TTC39B: variants seen among roughly 807,000 people sequenced by gnomAD.
The protein encoded by TTC39B is tetratricopeptide repeat protein 39B.
A neutral mutation model predicts 96.6 loss-of-function variants in TTC39B; 92 were observed. That is an observed-to-expected ratio of 0.95 (90% CI 0.80 to 1.13). The LOEUF (loss-of-function observed/expected upper bound fraction) is 1.13. TTC39B is among the 50% of genes most tolerant of loss of function. TTC39B has a pLI of 0.00. For synonymous variants in TTC39B, 367 were observed against 299.4 expected (o/e 1.23, Z -2.33); for missense variants, 955 against 809.3 (o/e 1.18, Z -2.18).
intron 2 of TTC39B, among the ~76,000 whole-genome samples, chr9:15,265,227 C>T (rs181535278): frequency 9.2e-5 from 14 of 152,234 alleles, no homozygotes; most frequent in Admixed American, 9.2e-4. Context: ...GCTTGCAATG[C>T]CTTCCTGAGG....
intron 6 of TTC39B, among the ~76,000 whole-genome samples, chr9:15,207,883 C>T (rs965198320): frequency 1.4e-5 from 2 of 145,932 alleles, no homozygotes; most frequent in African/African-American, 5.1e-5. Flanking sequence ...ACTCGGGAGG[C>T]TGAGGCAGAA....
chr9:15,299,376 T>C (rs1473527737), intron 1 of TTC39B, among the ~76,000 whole-genome samples: 1 of 152,190 alleles, frequency 6.6e-6, no homozygotes, highest in African/African-American at 2.4e-5. Context: ...GAGCTGAAGA[T>C]GCATGATGGC....
intron 2 of TTC39B, among the ~76,000 whole-genome samples, chr9:15,231,849 G>C (rs867927423): frequency 1.9e-4 from 29 of 152,346 alleles, no homozygotes; most frequent in Middle Eastern, 3.4e-3. Context: ...GAAAAGGAAT[G>C]AGTGTAGATA....
rs1409028177 is a variant in TTC39B, at chr9:15,177,794, CCA to C, written c.1742_1743del (p.Val581GlyfsTer2). Reference sequence around the variant, plus strand: ...AGTAACTTCACTAAGCACTCATCATCCACAGAGAAGCTGTTAAAATCTTAAAA... The same window carrying C: ...AGTAACTTCACTAAGCACTCATCATCCAGAGAAGCTGTTAAAATCTTAAAA... On this transcript the variant is annotated frameshift_variant, in exon 18 of 20. Coordinates refer to ENST00000512701, the Ensembl canonical transcript of TTC39B. LOFTEE classifies it high-confidence loss of function. 7 of 1,608,510 alleles carry C rather than the reference CCA, an allele frequency of 4.4e-6. No individual in the cohort carries two copies. The highest frequency in any genetic ancestry group is 8.5e-7 in the Non-Finnish European group (1 of 1,177,670).
At chr9:15,253,075 A>G (rs1171052162) in intron 2 of TTC39B, among the ~76,000 whole-genome samples, 2 of 152,196 alleles carry the variant, frequency 1.3e-5, no homozygotes, top group African/African-American at 4.8e-5. Context: ...ACAGATAAAC[A>G]TATGTGTATC....
At chr9:15,177,719 A>G (rs757968118) in exon 18 of TTC39B, 4 of 1,613,236 alleles carry the variant, frequency 2.5e-6, no homozygotes, top group Non-Finnish European at 2.5e-6. Context: ...TGATTGTAAC[A>G]TAGTTCAGCT....
intron 1 of TTC39B, among the ~76,000 whole-genome samples, chr9:15,290,446 G>A (rs943383097): frequency 7.9e-5 from 12 of 152,046 alleles, no homozygotes; most frequent in Non-Finnish European, 1.8e-4. Context: ...ATGCCTTGTG[G>A]GCCCCAGAAT....
chr9:15,167,015 TATATATATATA>T (rs1230485538), exon 20 of TTC39B: 16 of 8,410 alleles, frequency 1.9e-3, no homozygotes, highest in African/African-American at 6.4e-3. Context: ...TATATATATA[TATATATATATA>T]TATTTTTTTT....
At chr9:15,294,269 T>C (rs1464283187) in intron 1 of TTC39B, among the ~76,000 whole-genome samples, 1 of 152,080 alleles carries the variant, frequency 6.6e-6, no homozygotes, top group East Asian at 1.9e-4. Flanking sequence ...GCAAGAACCC[T>C]AGAGTCCCTC....
At chr9:15,212,837 A>G (rs1280598740) in intron 4 of TTC39B, among the ~76,000 whole-genome samples, 1 of 152,222 alleles carries the variant, frequency 6.6e-6, no homozygotes, top group Non-Finnish European at 1.5e-5. Flanking sequence ...ACTCGTTTGA[A>G]TAAAAATCAA....
intron 19 of TTC39B, among the ~76,000 whole-genome samples, chr9:15,173,122 A>G (rs1247036324): frequency 6.6e-6 from 1 of 152,150 alleles, no homozygotes; most frequent in Non-Finnish European, 1.5e-5. Context: ...TTTTATTTTT[A>G]TCTTATAAAG....
chr9:15,193,460 A>C (rs1411674778), intron 8 of TTC39B, among the ~76,000 whole-genome samples: 1 of 152,242 alleles, frequency 6.6e-6, no homozygotes, highest in Non-Finnish European at 1.5e-5. Context: ...ATGCAATTAT[A>C]AAATGTGCAA....
At chr9:15,300,352 C>T (rs1373079532) in intron 1 of TTC39B, among the ~76,000 whole-genome samples, 1 of 152,166 alleles carries the variant, frequency 6.6e-6, no homozygotes, top group African/African-American at 2.4e-5. Flanking sequence ...ACCACTGACC[C>T]TCAAACTGGG....
exon 20 of TTC39B, chr9:15,170,851 C>A (rs188670875): frequency 1.4e-4 from 22 of 152,292 alleles, no homozygotes; most frequent in Admixed American, 1.1e-3. Context: ...GAATGGTTTG[C>A]ATTCGACATT....
chr9:15,166,541 C>G (rs1252553814), exon 20 of TTC39B: 1 of 152,204 alleles, frequency 6.6e-6, no homozygotes, highest in Non-Finnish European at 1.5e-5. Flanking sequence ...CTGTCAAGAT[C>G]AGATAGCAGC....
chr9:15,197,339 C>T (rs1357899314), intron 8 of TTC39B, among the ~76,000 whole-genome samples: 1 of 152,156 alleles, frequency 6.6e-6, no homozygotes, highest in Admixed American at 6.5e-5. Flanking sequence ...AAATATTTCA[C>T]AAAGAAATCT....
chr9:15,229,687 A>T (rs1761258686), intron 2 of TTC39B, among the ~76,000 whole-genome samples: 1 of 152,198 alleles, frequency 6.6e-6, no homozygotes, highest in South Asian at 2.1e-4. Flanking sequence ...TACACACAGC[A>T]ATTTTCCATA....
chr9:15,280,408 G>A (rs1823715414), intron 1 of TTC39B, among the ~76,000 whole-genome samples: 1 of 152,164 alleles, frequency 6.6e-6, no homozygotes, highest in Non-Finnish European at 1.5e-5. Flanking sequence ...CTACCGCATT[G>A]GATGCTTTGA....
chr9:15,166,982 T>TTTTTATA (rs1387664027), exon 20 of TTC39B: 3 of 20,280 alleles, frequency 1.5e-4, no homozygotes, highest in African/African-American at 1.8e-4. Flanking sequence ...AACCTTTATT[T>TTTTTATA]TATATATATA....
Sources: allele counts gnomAD v4.1 joint callset (sites outside exome capture counted in the v4.1 genomes callset), GRCh38; gene constraint gnomAD v4.1.1; transcripts MANE v1.5; gene names NCBI Gene and HGNC (gene_info 2026-07-23, HGNC 2026-07-21).